FABP1: variants seen among roughly 807,000 people sequenced by gnomAD.
The protein encoded by FABP1 is fatty acid binding protein 1.
A neutral mutation model predicts 13.7 loss-of-function variants in FABP1; 13 were observed. That is an observed-to-expected ratio of 0.95 (90% confidence interval 0.62 to 1.51). The LOEUF (loss-of-function observed/expected upper bound fraction) is 1.51, where lower values mean the gene tolerates loss of function less well. Among genes scored for constraint, FABP1 ranks in the 40% most tolerant of loss-of-function variants. The probability of loss-of-function intolerance (pLI) is 0.00; values close to 1 mark genes in which losing one functional copy is unlikely to be tolerated. For synonymous variants in FABP1, 48 were observed against 59.8 expected (o/e 0.80, Z 0.91); for missense variants, 140 against 155.7 (o/e 0.90, Z 0.54).
At chr2:88,126,058 G>T in intron 2 of FABP1, 118 bp downstream of exon 2, 1 of 1,038,064 alleles carries the variant, frequency 9.6e-7, no homozygotes, top group Non-Finnish European at 1.4e-6. Flanking sequence ...CTCCCACATG[G>T]GAGGTGGGTT....
At chr2:88,123,155 A>G in intron 3 of FABP1, 51 bp from the exon 4 acceptor site, 1 of 1,501,030 alleles carries the variant, frequency 6.7e-7, no homozygotes, top group Non-Finnish European at 9.1e-7. Flanking sequence ...TTGTATTGTA[A>G]AAAACAAAAT....
chr2:88,124,389 G>C (rs1123605), intron 3 of FABP1, 105 bp downstream of exon 3: 1 of 743,784 alleles, frequency 1.3e-6, no homozygotes, highest in African/African-American at 1.8e-5. Context: ...TTGGGGGTTG[G>C]AGGGTGGAGG....
At chr2:88,124,958 T>C (rs1330633763) in intron 2 of FABP1, among the ~76,000 whole-genome samples, 1 of 145,076 alleles carries the variant, frequency 6.9e-6, no homozygotes, top group Non-Finnish European at 1.5e-5. Context: ...ATATTTTGCT[T>C]TGGTATGTAT....
At chr2:88,127,056 C>A (rs1476422605) in intron 1 of FABP1, among the ~76,000 whole-genome samples, 1 of 152,124 alleles carries the variant, frequency 6.6e-6, no homozygotes, top group Non-Finnish European at 1.5e-5. Flanking sequence ...ACTGAAGGTC[C>A]TTCTCTCCCT....
chr2:88,127,955 T>G lies in FABP1; in HGVS notation c.63A>C (p.Ala21=). 6.2e-7 allele frequency: 1 copy of G among 1,614,208 alleles called. No homozygotes were observed. Among genetic ancestry groups the G allele is most frequent in the Non-Finnish European group, 8.5e-7 (1 of 1,179,998 alleles). Residue 21 remains alanine (A), a synonymous_variant, in exon 1 of 4, where the codon GCA becomes GCC. Coordinates refer to ENST00000295834, the MANE Select transcript of FABP1 (RefSeq NM_001443.3). ...GCCTTTCAGTCCAGCACTCACCGAT[T>G]GCCTTCATGAAGGCTTCAAAGTTTT... is the stretch of plus-strand genomic sequence containing the variant. The part of the protein sequence containing the change: ...SQENFEAFMK[A]IGLPEELIQK...
Position 88,124,482 on chromosome 2 carries a change from C to T in FABP1, c.333+12G>A, listed in dbSNP as rs770943232. The T allele has an allele frequency of 1.9e-6, 3 of 1,597,908 alleles. No individual in the cohort carries two copies. In the South Asian group the frequency reaches 3.4e-5, roughly 18 times the overall value. Reference sequence around the variant, plus strand: ...CACTGGGAGCCACACGCTCAGAGCACCACCAACTTACATTGGTGATTATGT... The same window carrying T: ...CACTGGGAGCCACACGCTCAGAGCATCACCAACTTACATTGGTGATTATGT... On this transcript the variant is annotated intron_variant, in intron 3 of 3. Transcript: ENST00000295834.
intron 3 of FABP1, 122 bp from the exon 4 acceptor site, chr2:88,123,226 A>T (rs1376975239): frequency 1.3e-6 from 1 of 752,226 alleles, no homozygotes; most frequent in Non-Finnish European, 2.2e-6. Flanking sequence ...CATATGAAAC[A>T]ATTCAAAAAT....
intron 1 of FABP1, chr2:88,126,762 G>A (rs1426847987): frequency 5.8e-6 from 1 of 171,196 alleles, no homozygotes; most frequent in Non-Finnish European, 1.3e-5. Flanking sequence ...AGTGAAAGGG[G>A]AGCTGCTGAT....
intron 1 of FABP1, 125 bp downstream of exon 1, chr2:88,127,826 T>A: frequency 2.0e-6 from 2 of 975,608 alleles, no homozygotes; most frequent in Non-Finnish European, 3.3e-6. Flanking sequence ...AAATGCCCCC[T>A]AGTTTGTGTA....
intron 3 of FABP1, chr2:88,123,396 G>A (rs1012855860): frequency 2.5e-4 from 99 of 396,040 alleles, no homozygotes; most frequent in Non-Finnish European, 3.3e-4. Flanking sequence ...ATCCAAACCA[G>A]CCCAATCTAA....
chr2:88,124,919 A>G (rs549789319), intron 2 of FABP1, among the ~76,000 whole-genome samples: 2 of 152,292 alleles, frequency 1.3e-5, no homozygotes, highest in South Asian at 4.1e-4. Context: ...GGTAGTGGCA[A>G]AATTCAAATA....
At position 88,126,249 on chromosome 2, in the gene FABP1, G is replaced by T; in HGVS notation, c.167C>A (p.Ser56Tyr). The change falls in exon 2 of 4, where the codon TCC becomes TAC. Residue 56 changes from serine to tyrosine, a missense_variant. Physicochemically the swap from Ser to Tyr is moderately radical, Grantham distance 144. Transcript: ENST00000295834. The stretch of plus-strand genomic sequence containing the variant: ...CGTGAATTCGTTTTGGATCACTTTG[G>T]ACCCAGCGGTGATGGTGAACTTGAA... ...KHFKFTITAG[S>Y]KVIQNEFTVG... is the part of the protein sequence containing the mutation. 1.2e-6 allele frequency: 2 copies of T among 1,613,872 alleles called. No homozygotes were observed. The highest frequency in any genetic ancestry group is 2.2e-5 in the South Asian group (2 of 91,052).
intron 3 of FABP1, 126 bp from the exon 4 acceptor site, chr2:88,123,230 C>A: frequency 1.3e-6 from 1 of 756,856 alleles, no homozygotes; most frequent in South Asian, 1.9e-5. Context: ...TGAAACAATT[C>A]AAAAATTCGT....
intron 1 of FABP1, among the ~76,000 whole-genome samples, chr2:88,127,303 G>T (rs1409703477): frequency 6.6e-6 from 1 of 152,150 alleles, no homozygotes; most frequent in East Asian, 1.9e-4. Flanking sequence ...GTTAAAGCAG[G>T]GTCTCTGAGA....
intron 2 of FABP1, chr2:88,125,973 C>G (rs1481951179): frequency 5.9e-6 from 3 of 507,030 alleles, no homozygotes; most frequent in Admixed American, 3.1e-5. Context: ...GAACACCCCC[C>G]AGACAGTCCC....
intron 1 of FABP1, 138 bp downstream of exon 1, chr2:88,127,813 G>C: frequency 1.1e-6 from 1 of 893,576 alleles, no homozygotes; most frequent in Admixed American, 1.8e-5. Flanking sequence ...CCAGAAGTCA[G>C]TAAAATGCCC....
At chr2:88,126,369 T>C in intron 1 of FABP1, 21 bp from the exon 2 acceptor site, 1 of 1,608,582 alleles carries the variant, frequency 6.2e-7, no homozygotes, top group Non-Finnish European at 8.5e-7. Context: ...CCGTCTGAGG[T>C]TTAGATATGG....
Position 88,126,361 on chromosome 2 carries a change from G to A in FABP1, c.68-13C>T, listed in dbSNP as rs765052842. Reference sequence around the variant, plus strand: ...TCTTCCGGCAGACCTGGTGGAAACCGTCTGAGGTTTAGATATGGGCAGAGG... The same window carrying A: ...TCTTCCGGCAGACCTGGTGGAAACCATCTGAGGTTTAGATATGGGCAGAGG... On this transcript the variant is annotated splice_polypyrimidine_tract_variant and intron_variant, in intron 1 of 3. Coordinates refer to ENST00000295834, the MANE Select transcript of FABP1 (RefSeq NM_001443.3). 56 of 1,610,806 alleles carry A rather than the reference G, an allele frequency of 3.5e-5. No individual in the cohort carries two copies. The highest frequency in any genetic ancestry group is 1.6e-4 in the Middle Eastern group (1 of 6,076).
intron 1 of FABP1, among the ~76,000 whole-genome samples, chr2:88,126,917 G>A (rs1175119659): frequency 6.6e-6 from 1 of 152,232 alleles, no homozygotes; most frequent in Non-Finnish European, 1.5e-5. Context: ...TGTCTATGCT[G>A]TTATACAAAT....
Sources: gnomAD v4.1 joint callset for allele counts (sites outside exome capture counted in the v4.1 genomes callset) on GRCh38, gnomAD v4.1.1 for gene constraint, MANE v1.5 for transcripts, NCBI Gene and HGNC (gene_info 2026-07-23, HGNC 2026-07-21) for gene names.